TUSC3: variants seen among roughly 807,000 people sequenced by gnomAD.
TUSC3 encodes the protein dolichyl-diphosphooligosaccharide--protein glycosyltransferase subunit TUSC3.
A neutral mutation model predicts 44.8 loss-of-function variants in TUSC3; 45 were observed. The observed-to-expected ratio is 1.00, with a 90% confidence interval of 0.79 to 1.29. TUSC3 has a LOEUF of 1.29. Among genes scored for constraint, TUSC3 ranks in the 50% most tolerant of loss-of-function variants. The probability of loss-of-function intolerance (pLI) is 0.00; values close to 1 mark genes in which losing one functional copy is unlikely to be tolerated. For missense variants in TUSC3, 519 were observed against 437.9 expected, an observed-to-expected ratio of 1.19 and a Z score of -1.65; for synonymous variants, 212 against 152.9, an observed-to-expected ratio of 1.39 and a Z score of -2.85.
At chr8:15,769,260 G>C (rs1049579071), downstream of TUSC3, among the ~76,000 whole-genome samples, 3 of 151,976 alleles carry the variant, frequency 2.0e-5, no homozygotes, top group African/African-American at 7.2e-5. Context: ...CAGAACAGAG[G>C]CCTCAGAAAT....
chr8:15,819,808 G>T, the TUSC3 span, among the ~76,000 whole-genome samples: 1 of 152,180 alleles, frequency 6.6e-6, no homozygotes, highest in Non-Finnish European at 1.5e-5. Flanking sequence ...GGGCATTCTA[G>T]AAAGGCTGAA....
chr8:15,851,104 A>G, the TUSC3 span, among the ~76,000 whole-genome samples: 1 of 152,240 alleles, frequency 6.6e-6, no homozygotes. Flanking sequence ...TAACACCTTA[A>G]TGGGAGCTCA....
chr8:15,486,329 TGTG>T (rs931099648), intron 2 of TUSC3, among the ~76,000 whole-genome samples: 2 of 152,194 alleles, frequency 1.3e-5, no homozygotes, highest in Admixed American at 6.5e-5. Context: ...GTAATTAAAA[TGTG>T]GTAACTGAAA....
intron 3 of TUSC3, among the ~76,000 whole-genome samples, chr8:15,658,913 G>GA (rs1474200097): frequency 2.0e-5 from 3 of 152,000 alleles, no homozygotes; most frequent in Admixed American, 6.6e-5. Flanking sequence ...CAGTTGAGCA[G>GA]AAAAAGTGTT....
At chr8:15,544,722 A>G (rs1189504774) in intron 1 of TUSC3, among the ~76,000 whole-genome samples, 1 of 151,808 alleles carries the variant, frequency 6.6e-6, no homozygotes, top group Non-Finnish European at 1.5e-5. Context: ...TAAGCAGAGA[A>G]CTTAAGTGGA....
At chr8:15,443,033 C>A (rs374647096) in intron 1 of TUSC3, among the ~76,000 whole-genome samples, 1 of 152,218 alleles carries the variant, frequency 6.6e-6, no homozygotes, top group African/African-American at 2.4e-5. Context: ...CTTCACTCCA[C>A]TGTGGGCTAT....
intron 1 of TUSC3, among the ~76,000 whole-genome samples, chr8:15,452,195 C>T (rs1407894443): frequency 1.3e-5 from 2 of 152,152 alleles, no homozygotes; most frequent in African/African-American, 2.4e-5. Context: ...ACTATAATTT[C>T]ACATTTAATT....
At chr8:15,727,425 G>A (rs762668751) in intron 6 of TUSC3, among the ~76,000 whole-genome samples, 1 of 152,068 alleles carries the variant, frequency 6.6e-6, no homozygotes, top group Non-Finnish European at 1.5e-5. Context: ...AGCTGCTTGA[G>A]AATATAGGTA....
At chr8:15,547,299 T>A (rs910187059) in intron 1 of TUSC3, among the ~76,000 whole-genome samples, 1 of 151,668 alleles carries the variant, frequency 6.6e-6, no homozygotes, top group Admixed American at 6.6e-5. Context: ...TGGTTGTCAT[T>A]GTGATTTGAC....
At chr8:15,710,136 T>C (rs1809783483) in intron 6 of TUSC3, among the ~76,000 whole-genome samples, 1 of 151,770 alleles carries the variant, frequency 6.6e-6, no homozygotes, top group Non-Finnish European at 1.5e-5. Flanking sequence ...TTCTATTTGC[T>C]GAAATGTTAC....
intron 1 of TUSC3, among the ~76,000 whole-genome samples, chr8:15,598,802 C>G (rs1387330640): frequency 6.6e-6 from 1 of 151,508 alleles, no homozygotes; most frequent in Non-Finnish European, 1.5e-5. Context: ...ACTGAATAAT[C>G]TATTGTCTGG....
chr8:15,756,545 GATT>G (rs1196745165), intron 9 of TUSC3, among the ~76,000 whole-genome samples: 5 of 151,620 alleles, frequency 3.3e-5, no homozygotes, highest in South Asian at 2.1e-4. Context: ...TTTTTTTCTA[GATT>G]ATAAGGTATT....
At chr8:15,793,082 C>G in the TUSC3 span, among the ~76,000 whole-genome samples, 2 of 152,238 alleles carry the variant, frequency 1.3e-5, no homozygotes, top group South Asian at 4.1e-4. Flanking sequence ...TCCTGCTGAT[C>G]TGGAGGAAGA....
intron 1 of TUSC3, among the ~76,000 whole-genome samples, chr8:15,603,286 A>T (rs1216622660): frequency 6.6e-6 from 1 of 151,772 alleles, no homozygotes; most frequent in Non-Finnish European, 1.5e-5. Flanking sequence ...AACATCATGG[A>T]TATGAAAATT....
chr8:15,543,910 T>TTGTG (rs34091995), intron 1 of TUSC3, among the ~76,000 whole-genome samples: 2,796 of 148,904 alleles, frequency 0.019, 86 homozygotes, highest in African/African-American at 0.063. Context: ...TCCCATGGAT[T>TTGTG]TGTGTGTGTG....
chr8:15,675,202 A>T (rs796623431), intron 6 of TUSC3, among the ~76,000 whole-genome samples: 12 of 152,280 alleles, frequency 7.9e-5, no homozygotes, highest in African/African-American at 2.9e-4. Flanking sequence ...GGCCTGATGC[A>T]AAGATCTGAT....
At chr8:15,739,155 TG>T (rs1467467883) in intron 7 of TUSC3, among the ~76,000 whole-genome samples, 1 of 152,166 alleles carries the variant, frequency 6.6e-6, no homozygotes, top group African/African-American at 2.4e-5. Flanking sequence ...TAAGAATTTT[TG>T]TCAATTTCAT....
At chr8:15,451,878 A>G (rs948336643) in intron 1 of TUSC3, among the ~76,000 whole-genome samples, 6 of 152,136 alleles carry the variant, frequency 3.9e-5, no homozygotes, top group Admixed American at 1.3e-4. Context: ...ATCCCCACAC[A>G]TTTTGGTGAC....
At chr8:15,522,307 A>C (rs1801309815) in intron 2 of TUSC3, among the ~76,000 whole-genome samples, 1 of 151,338 alleles carries the variant, frequency 6.6e-6, no homozygotes, top group Non-Finnish European at 1.5e-5. Flanking sequence ...ATCTTGGCTC[A>C]CTGCAACCTC....
Sources: allele counts gnomAD v4.1 joint callset (sites outside exome capture counted in the v4.1 genomes callset), GRCh38; gene constraint gnomAD v4.1.1; transcripts MANE v1.5; gene names NCBI Gene and HGNC (gene_info 2026-07-23, HGNC 2026-07-21).